The following RARS2 variants were observed in gnomAD, a reference collection of about 807,000 sequenced individuals.
RARS2 encodes probable arginine--tRNA ligase, mitochondrial.
In RARS2, 67 loss-of-function variants were observed where a neutral mutation model predicts 88.5. The observed-to-expected ratio is 0.76, with a 90% CI of 0.62 to 0.93. The LOEUF (loss-of-function observed/expected upper bound fraction) is 0.93. Among genes scored for constraint, RARS2 ranks in the 40% least tolerant of loss-of-function variants. The probability of loss-of-function intolerance (pLI) is 0.00; values close to 1 mark genes in which losing one functional copy is unlikely to be tolerated. For synonymous variants in RARS2, 239 were observed against 230.3 expected (o/e 1.04, Z -0.34); for missense variants, 664 against 684.2 (o/e 0.97, Z 0.33).
intron 1 of RARS2, among the ~76,000 whole-genome samples, chr6:87,570,498 G>A (rs903308146): frequency 1.3e-5 from 2 of 151,896 alleles, no homozygotes; most frequent in African/African-American, 2.4e-5. Flanking sequence ...GGCTCACTGC[G>A]GCCTCCATCT....
Position 87,542,207 on chromosome 6 carries a change from C to T in RARS2, c.536-213G>A, listed in dbSNP as rs368619416. Among the ~76,000 whole-genome samples the T allele has an allele frequency of 1.3e-4, 20 of 152,220 alleles. No individual in the cohort carries two copies. The East Asian group carries it at 3.1e-3, about 23-fold the overall frequency. On this transcript the variant is annotated intron_variant, in intron 7 of 19. Coordinates refer to ENST00000369536, the MANE Select transcript of RARS2 (RefSeq NM_020320.5). ...CATAAATTCAACATACTGAATAGAT[C>T]ACTGAAATTAAGCTCACAGAAACCA... is the stretch of plus-strand genomic sequence containing the variant.
chr6:87,533,719 G>A (rs181763571), intron 8 of RARS2, among the ~76,000 whole-genome samples: 29 of 152,246 alleles, frequency 1.9e-4, no homozygotes, highest in Non-Finnish European at 3.5e-4. Flanking sequence ...GCCAAATAGC[G>A]TAACATTTTA....
intron 8 of RARS2, among the ~76,000 whole-genome samples, chr6:87,540,594 T>A (rs1780622357): frequency 6.6e-6 from 1 of 152,088 alleles, no homozygotes; most frequent in Non-Finnish European, 1.5e-5. Flanking sequence ...TTTTTGCAAG[T>A]GCTTTTTCTC....
At chr6:87,544,714 G>A (rs55916435) in intron 7 of RARS2, among the ~76,000 whole-genome samples, 18,383 of 152,192 alleles carry the variant, frequency 0.12, 1,204 homozygotes, top group African/African-American at 0.16. Context: ...ACATGAATTA[G>A]GAATGGTTCT....
At chr6:87,536,926 G>A (rs12663932) in intron 8 of RARS2, among the ~76,000 whole-genome samples, 10,258 of 152,234 alleles carry the variant, frequency 0.067, 387 homozygotes, top group East Asian at 0.095. Flanking sequence ...ACAGCTAGAT[G>A]TCATGGGAAA....
chr6:87,588,631 T>C (rs1775922581), intron 1 of RARS2, among the ~76,000 whole-genome samples: 1 of 152,230 alleles, frequency 6.6e-6, no homozygotes, highest in African/African-American at 2.4e-5. Context: ...CACCTTGGCC[T>C]CCCAAAGTGC....
chr6:87,542,522 T>C (rs1247141706), intron 7 of RARS2, among the ~76,000 whole-genome samples: 1 of 152,176 alleles, frequency 6.6e-6, no homozygotes, highest in East Asian at 1.9e-4. Context: ...AAGGTAAAAC[T>C]TGGAACATCC....
At chr6:87,564,032 C>T in intron 3 of RARS2, 98 bp downstream of exon 3, 1 of 872,040 alleles carries the variant, frequency 1.1e-6, no homozygotes, top group Non-Finnish European at 1.9e-6. Context: ...CAAAGAAACA[C>T]TATTAAATTC....
chr6:87,586,007 G>A (rs955504161), intron 1 of RARS2, among the ~76,000 whole-genome samples: 5 of 152,178 alleles, frequency 3.3e-5, no homozygotes, highest in Admixed American at 2.0e-4. Flanking sequence ...GGGCATGAAT[G>A]GAAGTTGAAG....
rs541629790 is a variant in RARS2, at chr6:87,549,665, C to G, written c.396-1019G>C. 8.5e-5 allele frequency among the ~76,000 whole-genome samples: 13 copies of G among 152,216 alleles called. No individual in the cohort carries two copies. The South Asian group carries it at 2.3e-3, about 27-fold the overall frequency. On this transcript the variant is annotated intron_variant, in intron 5 of 19. Transcript: ENST00000369536. ...CACATTTATCACTCCCGTGTGTGCT[C>G]AAGAAGTTGTAATCAATCATTTAAC...
At chr6:87,555,543 T>C in intron 4 of RARS2, 38 bp from the exon 5 acceptor site, 1 of 1,449,562 alleles carries the variant, frequency 6.9e-7, no homozygotes, top group Non-Finnish European at 9.7e-7. Context: ...GAACAAAAAT[T>C]ACAATGCTTT....
chr6:87,541,851 T>C (rs1781078831), intron 8 of RARS2, 67 bp downstream of exon 8: 3 of 1,236,638 alleles, frequency 2.4e-6, no homozygotes, highest in Non-Finnish European at 2.4e-6. Flanking sequence ...ACCTCTGGGA[T>C]TAAAAACATG....
chr6:87,580,968 C>T (rs922030825), intron 1 of RARS2, among the ~76,000 whole-genome samples: 1 of 152,068 alleles, frequency 6.6e-6, no homozygotes, highest in Non-Finnish European at 1.5e-5. Flanking sequence ...ATCAGAGATT[C>T]TAATATAATA....
intron 8 of RARS2, among the ~76,000 whole-genome samples, chr6:87,537,656 C>G (rs1779606233): frequency 6.6e-6 from 1 of 152,064 alleles, no homozygotes; most frequent in Non-Finnish European, 1.5e-5. Flanking sequence ...GGTCCTTCCT[C>G]TCAAAGAGCT....
intron 11 of RARS2, among the ~76,000 whole-genome samples, chr6:87,523,217 T>A (rs1774534129): frequency 6.6e-6 from 1 of 152,164 alleles, no homozygotes; most frequent in African/African-American, 2.4e-5. Flanking sequence ...TAGGTTGAGT[T>A]TGTAGAAACT....
intron 1 of RARS2, among the ~76,000 whole-genome samples, chr6:87,570,825 T>A (rs1769449004): frequency 2.0e-5 from 3 of 152,162 alleles, no homozygotes; most frequent in African/African-American, 7.2e-5. Flanking sequence ...AGTGCTGGGA[T>A]TACAAGAGTG....
chr6:87,519,014 T>C (rs1489462128), intron 14 of RARS2, 123 bp from the exon 15 acceptor site: 5 of 962,670 alleles, frequency 5.2e-6, no homozygotes, highest in Middle Eastern at 2.3e-4. Context: ...GAATGAGTAA[T>C]TACTTGCCTA....
chr6:87,566,505 G>A (rs960697925), intron 2 of RARS2, among the ~76,000 whole-genome samples: 1 of 151,968 alleles, frequency 6.6e-6, no homozygotes, highest in African/African-American at 2.4e-5. Flanking sequence ...CCTTTAAAAA[G>A]ACAAAACATC....
intron 12 of RARS2, among the ~76,000 whole-genome samples, chr6:87,520,785 C>T (rs1209195863): frequency 1.3e-5 from 2 of 152,134 alleles, no homozygotes; most frequent in African/African-American, 2.4e-5. Context: ...ATTTATACAA[C>T]ATTCTTAGAG....
Sources: gnomAD v4.1 joint callset for allele counts (sites outside exome capture counted in the v4.1 genomes callset) on GRCh38, gnomAD v4.1.1 for gene constraint, MANE v1.5 for transcripts, NCBI Gene and HGNC (gene_info 2026-07-23, HGNC 2026-07-21) for gene names.